CEP131: variants seen among roughly 807,000 people sequenced by gnomAD.
The protein encoded by CEP131 is centrosomal protein 131.
A neutral mutation model predicts 136.8 loss-of-function variants in CEP131; 99 were observed. That is an observed-to-expected ratio of 0.72 (90% confidence interval 0.62 to 0.86). The LOEUF is 0.86. CEP131 is among the 40% of genes least tolerant of loss of function. The probability of loss-of-function intolerance (pLI) is 0.00; values close to 1 mark genes in which losing one functional copy is unlikely to be tolerated. For missense variants in CEP131, 1,459 were observed against 1,463.0 expected, an observed-to-expected ratio of 1.00 and a Z score of 0.04; for synonymous variants, 646 against 612.7, an observed-to-expected ratio of 1.05 and a Z score of -0.80.
At position 81,213,558 on chromosome 17, in the gene CEP131, C is replaced by CAA. The variant is rs35729341; in HGVS notation, c.178-4538_178-4537dup. Among the ~76,000 whole-genome samples, 618 of 137,832 alleles carry CAA rather than the reference C, an allele frequency of 4.5e-3. 5 individuals are homozygous for CAA. Among genetic ancestry groups the CAA allele is most frequent in the South Asian group, 0.033 (141 of 4,254 alleles). 90.4% of individuals were successfully genotyped at this position (137,832 alleles called of 152,430 possible). On this transcript the variant is annotated intron_variant, in intron 2 of 25. Transcript: ENST00000450824. ...TGGGCGACAGCGTGAGACACTGTCT[C>CAA]AAAAAAAAAAAAAAATTATAAATGA...
chr17:81,220,828 G>A (rs1227463729), intron 1 of CEP131, among the ~76,000 whole-genome samples: 1 of 150,932 alleles, frequency 6.6e-6, no homozygotes, highest in Non-Finnish European at 1.5e-5. Context: ...ATTTTAAAAA[G>A]GGGTTGCGTG....
Position 81,203,740 on chromosome 17 carries a change from C to A in CEP131, c.516-133G>T. 1 of 674,172 alleles carries A rather than the reference C, an allele frequency of 1.5e-6. No homozygotes were observed. 41.8% of individuals were successfully genotyped at this position (674,172 alleles called of 1,614,324 possible). ...GCTTGCTACGTGCTGGCAGCATTGT[C>A]GTCCAGTGTCCCCAGGCCCCTTCCA... On this transcript the variant is annotated intron_variant, in intron 5 of 25. Coordinates refer to ENST00000450824, the MANE Select transcript of CEP131 (RefSeq NM_014984.4). This position sits in a 1 kb window ranked among gnomAD's most constrained non-coding sequence, Gnocchi z 4.6.
At chr17:81,211,478 G>A (rs2062130021) in intron 2 of CEP131, among the ~76,000 whole-genome samples, 1 of 152,222 alleles carries the variant, frequency 6.6e-6, no homozygotes, top group Non-Finnish European at 1.5e-5. Context: ...TTGGTGACCT[G>A]GAGGCTGCTG....
rs2146640037 is a variant in CEP131 at position 81,206,766 on chromosome 17, G to C, written c.493C>G (p.Pro165Ala). Reference sequence around the variant, plus strand: ...TACCTGTTGTTAGCAGTGAAGTTGGGGGCCAGGGCCACGGTGCATTCTTTC... The same window carrying C: ...TACCTGTTGTTAGCAGTGAAGTTGGCGGCCAGGGCCACGGTGCATTCTTTC... ...RRKECTVALA[P>A]NFTANNRSNK... is the part of the protein sequence containing the mutation. The change falls in exon 5 of 26, where the codon CCC becomes GCC. Residue 165 changes from proline to alanine, a missense_variant. Pro to Ala is a conservative substitution (Grantham distance 27, BLOSUM62 -1). Transcript: ENST00000450824. The C allele has an allele frequency of 6.2e-7, 1 of 1,613,954 alleles. No homozygotes were observed. The highest frequency in any genetic ancestry group is 8.5e-7 in the Non-Finnish European group (1 of 1,179,912).
chr17:81,193,290 C>G (rs992393101), intron 18 of CEP131, among the ~76,000 whole-genome samples: 2 of 152,218 alleles, frequency 1.3e-5, no homozygotes, highest in Admixed American at 1.3e-4. Context: ...AGGGCCTCGT[C>G]CTGACCCCAC....
At position 81,215,120 on chromosome 17, in the gene CEP131, G is replaced by A. The variant is rs188633942; in HGVS notation, c.177+4760C>T. Among the ~76,000 whole-genome samples the A allele has an allele frequency of 6.6e-6, 1 of 151,408 alleles. No homozygotes were observed. Among genetic ancestry groups the A allele is most frequent in the East Asian group, 1.9e-4 (1 of 5,138 alleles). ...TTTAATTTTAATTTTAAAAGATAGA[G>A]TCTCACTCTGTTGCCCAGGCTGGAG... On this transcript the variant is annotated intron_variant, in intron 2 of 25. Transcript: ENST00000450824. This position sits in a 1 kb window ranked among gnomAD's most constrained non-coding sequence, Gnocchi z 4.1.
chr17:81,205,261 A>G (rs549057648), intron 5 of CEP131, among the ~76,000 whole-genome samples: 26 of 151,356 alleles, frequency 1.7e-4, no homozygotes, highest in Non-Finnish European at 3.5e-4. Context: ...TTCGTCTCAA[A>G]AACAAAAACA....
At position 81,219,997 on chromosome 17, in the gene CEP131, C is replaced by G. The variant is rs751144383; in HGVS notation, c.60G>C (p.Leu20=). The G allele has an allele frequency of 4.3e-6, 7 of 1,612,034 alleles. No homozygotes were observed. The South Asian group carries it at 7.7e-5, about 18-fold the overall frequency. ...VPERSPAGVD[L]SLTGLPPPVS... ...CAGGCGGAGGGAGACCTGTCAGACT[C>G]AGGTCCACACCTGCTGGGCTGCGCT... The change falls in exon 2 of 26, where the codon CTG becomes CTC. Residue 20 remains leucine (L), a synonymous_variant. Transcript: ENST00000450824. The surrounding 1 kb of genome is among the most constrained non-coding windows in gnomAD (Gnocchi z 4.0).
At chr17:81,200,864 C>A (rs1262808603) in intron 7 of CEP131, among the ~76,000 whole-genome samples, 7 of 152,140 alleles carry the variant, frequency 4.6e-5, no homozygotes, top group Non-Finnish European at 8.8e-5. Flanking sequence ...AGAGGGTGGT[C>A]GGAACAGGCA....
chr17:81,210,829 CAAAA>C (rs11379490), intron 2 of CEP131, among the ~76,000 whole-genome samples: 1 of 136,164 alleles, frequency 7.3e-6, no homozygotes, highest in East Asian at 2.2e-4. Flanking sequence ...AAAAAAAGAC[CAAAA>C]AAAAAAAAAA....
intron 2 of CEP131, among the ~76,000 whole-genome samples, chr17:81,213,638 C>T (rs2062182340): frequency 6.6e-6 from 1 of 152,042 alleles, no homozygotes; most frequent in South Asian, 2.1e-4. Flanking sequence ...TCTATAGATG[C>T]TCTTCTCTAA....
rs528967670 is a variant in CEP131 at position 81,218,001 on chromosome 17, T to TTCTCCC, written c.177+1873_177+1878dup. 3.0e-4 allele frequency among the ~76,000 whole-genome samples: 45 copies of TTCTCCC among 152,012 alleles called. No homozygotes were observed. In the East Asian group the frequency reaches 7.2e-3, roughly 24 times the overall value. On this transcript the variant is annotated intron_variant, in intron 2 of 25. Transcript: ENST00000450824. Reference sequence around the variant, plus strand: ...AGAGCTGCAATTTCTTTCTTTCTCCTTCTCCCTCTCCCTCTCCCTCCCCCT... The same window carrying TTCTCCC: ...AGAGCTGCAATTTCTTTCTTTCTCCTTCTCCCTCTCCCTCTCCCTCTCCCTCCCCCT...
At position 81,202,273 on chromosome 17, in the gene CEP131, C is replaced by T; in HGVS notation, c.755G>A (p.Arg252Lys). Residue 252 changes from arginine to lysine, a missense_variant, in exon 7 of 26, where the codon AGG becomes AAG. By Grantham distance (26) the Arg-to-Lys change is conservative. Transcript: ENST00000450824. ...CTCCTCCTCCGTCACCTCCTTCCGC[C>T]TGGGCAAGCCCGTGCTGCCCCCAGT... ...NNTGGSTGLP[R>K]RKEVTEEEAE... 1 of 1,611,714 alleles carries T rather than the reference C, an allele frequency of 6.2e-7. No individual in the cohort carries two copies.
chr17:81,205,680 C>T (rs2061994686), intron 5 of CEP131, among the ~76,000 whole-genome samples: 1 of 151,934 alleles, frequency 6.6e-6, no homozygotes, highest in South Asian at 2.1e-4. Flanking sequence ...AGGAGGATTG[C>T]CCGAGCCCAG....
In CEP131 at chr17:81,215,236, A is replaced by G. The variant is rs149650394; in HGVS notation, c.177+4644T>C. Among the ~76,000 whole-genome samples the G allele has an allele frequency of 4.9e-3, 738 of 152,058 alleles. 19 individuals are homozygous for G. In the East Asian group the frequency reaches 0.062, roughly 13 times the overall value. Reference sequence around the variant, plus strand: ...CAGCCTCCCATGTAGCTGGGACTACAGGCATGCACCACCACACTCGGCTAA... The same window carrying G: ...CAGCCTCCCATGTAGCTGGGACTACGGGCATGCACCACCACACTCGGCTAA... On this transcript the variant is annotated intron_variant, in intron 2 of 25. Coordinates refer to ENST00000450824, the MANE Select transcript of CEP131 (RefSeq NM_014984.4). This position sits in a 1 kb window ranked among gnomAD's most constrained non-coding sequence, Gnocchi z 4.1.
chr17:81,202,173 A>T, intron 7 of CEP131, 67 bp downstream of exon 7: 53 of 313,054 alleles, frequency 1.7e-4, no homozygotes, highest in Non-Finnish European at 3.0e-4. Flanking sequence ...AGCCCCCCAG[A>T]CCCTGATGCC....
chr17:81,198,914 G>A lies in CEP131; in HGVS notation c.1250C>T (p.Ser417Phe). 6.3e-7 allele frequency: 1 copy of A among 1,593,586 alleles called. No homozygotes were observed. ...CTCTGGAGGCTGCTGTGGTTCTGGG[G>A]ATGAGTCGGAGGTGGGCAGGCAGCG... ...GDRCLPTSDS[S>F]PEPQQPPEDR... Residue 417 changes from serine to phenylalanine, a missense_variant, in exon 11 of 26, where the codon TCC (serine) becomes TTC (phenylalanine). Coordinates refer to ENST00000450824, the MANE Select transcript of CEP131 (RefSeq NM_014984.4).
chr17:81,190,396 C>T (rs2061611519), intron 24 of CEP131, among the ~76,000 whole-genome samples: 1 of 152,182 alleles, frequency 6.6e-6, no homozygotes, highest in Non-Finnish European at 1.5e-5. Flanking sequence ...CAGGCCCAGA[C>T]CCGACCCACT....
Position 81,203,577 on chromosome 17 carries a change from G to T in CEP131, c.546C>A (p.Val182=). 1 of 1,604,396 alleles carries T rather than the reference G, an allele frequency of 6.2e-7. No individual in the cohort carries two copies. The change falls in exon 6 of 26, where the codon GTC becomes GTA. Residue 182 remains valine (V), a synonymous_variant. Transcript: ENST00000450824. This position sits in a 1 kb window ranked among gnomAD's most constrained non-coding sequence, Gnocchi z 4.6. Reference sequence around the variant, plus strand: ...TGTAGCGGTTGTGCACCATGGTGGTGACGCAGTTGCCCACTGCTCCCTTGT... The same window carrying T: ...TGTAGCGGTTGTGCACCATGGTGGTTACGCAGTTGCCCACTGCTCCCTTGT... ...RSNKGAVGNC[V]TTMVHNRYTP...
Sources: allele counts gnomAD v4.1 joint callset (sites outside exome capture counted in the v4.1 genomes callset), GRCh38; gene constraint gnomAD v4.1.1; non-coding constraint Gnocchi (gnomAD v3.1); transcripts MANE v1.5; gene names NCBI Gene and HGNC (gene_info 2026-07-23, HGNC 2026-07-21).